AFF3: variants seen among roughly 807,000 people sequenced by gnomAD.
AFF3 encodes the protein ALF transcription elongation factor 3.
Under a neutral mutation model 129.7 loss-of-function variants are expected in AFF3, and 32 were observed. The ratio of observed to expected loss-of-function variants is 0.25; its 90% confidence interval spans 0.19 to 0.33. The LOEUF is 0.33. Ranked by LOEUF, AFF3 falls within the 10% of genes least tolerant of loss-of-function variation. AFF3 has a pLI of 1.00. For missense variants in AFF3, 1,373 were observed against 1,592.0 expected (o/e 0.86, Z 2.34); for synonymous variants, 644 against 635.4 (o/e 1.01, Z -0.20).
intron 7 of AFF3, among the ~76,000 whole-genome samples, chr2:99,952,773 C>T (rs1157262773): frequency 6.6e-6 from 1 of 152,170 alleles, no homozygotes; most frequent in African/African-American, 2.4e-5. Flanking sequence ...AATCAAAGGA[C>T]TGACTCACTC....
At chr2:99,799,931 T>C (rs1428730698) in intron 8 of AFF3, among the ~76,000 whole-genome samples, 2 of 152,168 alleles carry the variant, frequency 1.3e-5, no homozygotes, top group Non-Finnish European at 2.9e-5. Context: ...CACTTCACAA[T>C]GAATCTTAAA....
intron 8 of AFF3, 86 bp downstream of exon 8, chr2:99,837,391 C>T (rs1380054208): frequency 1.5e-6 from 2 of 1,293,462 alleles, no homozygotes; most frequent in Non-Finnish European, 2.2e-6. Flanking sequence ...AGACTATGGG[C>T]TCCTTTATCA....
In AFF3 at chr2:99,784,906, T is replaced by C. The variant is rs74908222; in HGVS notation, c.922-32605A>G. Among the ~76,000 whole-genome samples, 675 of 152,362 alleles carry C rather than the reference T, an allele frequency of 4.4e-3. 6 individuals carry two copies. Among genetic ancestry groups the C allele is most frequent in the Non-Finnish European group, 7.6e-3 (519 of 68,040 alleles). On this transcript the variant is annotated intron_variant, in intron 8 of 24. Coordinates refer to ENST00000672756, the MANE Select transcript of AFF3 (RefSeq NM_001386135.1). ...ATGATAACCTGATCAGGAGGTTGTG[T>C]TCAGCTTCCTCTTTGCAAATATGTC...
At chr2:99,751,842 T>G (rs2105202065) in intron 9 of AFF3, among the ~76,000 whole-genome samples, 1 of 152,380 alleles carries the variant, frequency 6.6e-6, no homozygotes, top group Non-Finnish European at 1.5e-5. Flanking sequence ...TCTTCAATAC[T>G]AAGACATTGA....
intron 1 of AFF3, among the ~76,000 whole-genome samples, chr2:100,134,357 A>T (rs1692548863): frequency 6.6e-6 from 1 of 152,214 alleles, no homozygotes; most frequent in Admixed American, 6.5e-5. Flanking sequence ...TTTTCTTCCC[A>T]ACTGCTTATT....
At chr2:99,960,990 C>T (rs2104322899) in intron 7 of AFF3, among the ~76,000 whole-genome samples, 1 of 152,326 alleles carries the variant, frequency 6.6e-6, no homozygotes, top group East Asian at 1.9e-4. Context: ...TGCCCTTCCA[C>T]AGGGTGGACT....
chr2:99,820,451 G>A (rs973660040), intron 8 of AFF3, among the ~76,000 whole-genome samples: 1 of 152,078 alleles, frequency 6.6e-6, no homozygotes, highest in Non-Finnish European at 1.5e-5. Context: ...ACTGGAAGGT[G>A]CTCTGGGTGA....
intron 11 of AFF3, among the ~76,000 whole-genome samples, chr2:99,686,980 A>G (rs1675124173): frequency 6.6e-6 from 1 of 152,256 alleles, no homozygotes; most frequent in Non-Finnish European, 1.5e-5. Flanking sequence ...GCATGTTGCC[A>G]GCCAATGCAA....
chr2:100,050,706 G>A (rs17352808), intron 4 of AFF3, among the ~76,000 whole-genome samples: 15,300 of 152,184 alleles, frequency 0.1, 1,085 homozygotes, highest in Non-Finnish European at 0.14. Flanking sequence ...TTGTCTGACC[G>A]AGAGAAATCC....
intron 7 of AFF3, among the ~76,000 whole-genome samples, chr2:99,932,371 T>C (rs1435614590): frequency 6.6e-6 from 1 of 152,182 alleles, no homozygotes; most frequent in Non-Finnish European, 1.5e-5. Context: ...AGAAAGCGCA[T>C]TTCAGAAGCT....
chr2:100,004,817 T>G (rs1681807256), intron 7 of AFF3, among the ~76,000 whole-genome samples: 1 of 151,864 alleles, frequency 6.6e-6, no homozygotes, highest in South Asian at 2.1e-4. Flanking sequence ...TCTCCTAATA[T>G]GCAGTGCTTT....
chr2:100,011,619 A>AT, intron 4 of AFF3: 1 of 779,540 alleles, frequency 1.3e-6, no homozygotes. Flanking sequence ...TTTAAACCTG[A>AT]TTAGCCTTGA....
chr2:99,649,908 T>C (rs1447992032), intron 12 of AFF3, among the ~76,000 whole-genome samples: 2 of 151,758 alleles, frequency 1.3e-5, no homozygotes, highest in African/African-American at 4.8e-5. Context: ...GGGGATGAGT[T>C]TGTCGGGGGG....
chr2:99,733,991 T>C (rs1196768763), intron 10 of AFF3, among the ~76,000 whole-genome samples: 1 of 152,232 alleles, frequency 6.6e-6, no homozygotes, highest in African/African-American at 2.4e-5. Flanking sequence ...ATTGGAGCTG[T>C]ATTAAATCTA....
intron 7 of AFF3, among the ~76,000 whole-genome samples, chr2:99,939,586 A>G (rs553667971): frequency 2.0e-4 from 30 of 152,310 alleles, no homozygotes; most frequent in Non-Finnish European, 3.7e-4. Context: ...GAAATGAATC[A>G]CCCAAGATGA....
chr2:99,965,242 G>A (rs1677629383), intron 7 of AFF3, among the ~76,000 whole-genome samples: 2 of 152,182 alleles, frequency 1.3e-5, no homozygotes, highest in South Asian at 4.1e-4. Flanking sequence ...AAGGACATGT[G>A]GCTCAGAAGG....
chr2:99,904,733 C>T (rs1256268423), intron 7 of AFF3, among the ~76,000 whole-genome samples: 1 of 152,148 alleles, frequency 6.6e-6, no homozygotes, highest in Non-Finnish European at 1.5e-5. Context: ...AGGAGTCCCT[C>T]CTTTCCCACA....
chr2:99,925,265 T>C (rs1311060862), intron 7 of AFF3, among the ~76,000 whole-genome samples: 1 of 152,212 alleles, frequency 6.6e-6, no homozygotes, highest in Non-Finnish European at 1.5e-5. Context: ...TTTTTTCCTT[T>C]TGCTCACACT....
chr2:99,966,806 C>A (rs1397776437), intron 7 of AFF3, among the ~76,000 whole-genome samples: 1 of 143,676 alleles, frequency 7.0e-6, no homozygotes, highest in Non-Finnish European at 1.5e-5. Context: ...AAATCTTTAT[C>A]ATAATATTTA....
Sources: gnomAD v4.1 joint callset for allele counts (sites outside exome capture counted in the v4.1 genomes callset) on GRCh38, gnomAD v4.1.1 for gene constraint, MANE v1.5 for transcripts, NCBI Gene and HGNC (gene_info 2026-07-23, HGNC 2026-07-21) for gene names.